MET: variants seen among roughly 807,000 people sequenced by gnomAD.
MET encodes the protein hepatocyte growth factor receptor.
A neutral mutation model predicts 133.1 loss-of-function variants in MET; 48 were observed. The ratio of observed to expected loss-of-function variants is 0.36; its 90% CI spans 0.29 to 0.46. The LOEUF is 0.46. Among genes scored for constraint, MET ranks in the 20% least tolerant of loss-of-function variants. MET has a pLI of 1.00. For missense variants in MET, 1,442 were observed against 1,695.9 expected (o/e 0.85, Z 2.63); for synonymous variants, 628 against 616.5 (o/e 1.02, Z -0.28).
At position 116,731,877 on chromosome 7, in the gene MET, G is replaced by C. The variant is rs2116784901; in HGVS notation, c.1392+18G>C. On this transcript the variant is annotated intron_variant, in intron 3 of 20. Coordinates refer to ENST00000397752, the MANE Select transcript of MET (RefSeq NM_000245.4). ...TCATGCAGGTAAGTGCTTTCTGAGA[G>C]TAGCTGTGTCTGTTCTATCTGGTAT... The C allele has an allele frequency of 4.3e-6, 7 of 1,612,358 alleles. No homozygotes were observed. Among genetic ancestry groups the C allele is most frequent in the Non-Finnish European group, 5.9e-6 (7 of 1,178,448 alleles).
At chr7:116,681,415 A>G (rs1161148949) in intron 1 of MET, among the ~76,000 whole-genome samples, 1 of 152,184 alleles carries the variant, frequency 6.6e-6, no homozygotes, top group Non-Finnish European at 1.5e-5. Flanking sequence ...ACCAAAAGTT[A>G]TGGCCCTAAA....
chr7:116,768,350 G>T (rs1584951915), intron 11 of MET, among the ~76,000 whole-genome samples: 1 of 151,944 alleles, frequency 6.6e-6, no homozygotes, highest in East Asian at 1.9e-4. Context: ...CCAATATGTG[G>T]ATAAGGGTTT....
intron 14 of MET, 99 bp downstream of exon 14, chr7:116,772,088 A>C (rs1227079159): frequency 5.1e-6 from 7 of 1,370,630 alleles, no homozygotes; most frequent in Non-Finnish European, 6.1e-6. Context: ...TATTTTTATA[A>C]AAACCTAAAG....
intron 2 of MET, among the ~76,000 whole-genome samples, chr7:116,704,289 C>G (rs1391790850): frequency 6.6e-6 from 1 of 152,050 alleles, no homozygotes; most frequent in African/African-American, 2.4e-5. Flanking sequence ...TGGAAAGAGA[C>G]TAAAATCAGA....
intron 11 of MET, among the ~76,000 whole-genome samples, chr7:116,764,443 G>T (rs536487199): frequency 6.6e-6 from 1 of 151,794 alleles, no homozygotes; most frequent in Non-Finnish European, 1.5e-5. Context: ...CAATTACTGT[G>T]TTTGCCATTT....
At chr7:116,694,875 C>G (rs975687250) in intron 1 of MET, among the ~76,000 whole-genome samples, 2 of 151,912 alleles carry the variant, frequency 1.3e-5, no homozygotes, top group African/African-American at 4.8e-5. Flanking sequence ...TTAGTAGAGA[C>G]GGGGTTTCAC....
rs2117112931 is a variant in MET, at chr7:116,796,050, T to C, written c.4099T>C (p.Ser1367Pro). ...CGTAAAATGTGTCGCTCCGTATCCT[T>C]CTCTGTTGTCATCAGAAGATAACGC... is the stretch of plus-strand genomic sequence containing the variant. ...VNVKCVAPYP[S>P]LLSSEDNADD... Residue 1367 changes from serine (S) to proline (P), a missense_variant, in exon 21 of 21, where the codon TCT becomes CCT. By Grantham distance (74) the Ser-to-Pro change is moderately conservative. Transcript: ENST00000397752. 2 of 1,614,012 alleles carry C rather than the reference T, an allele frequency of 1.2e-6. No homozygotes were observed. Among genetic ancestry groups the C allele is most frequent in the Non-Finnish European group, 1.7e-6 (2 of 1,179,912 alleles).
intron 5 of MET, among the ~76,000 whole-genome samples, chr7:116,745,621 T>C (rs1459974065): frequency 6.6e-6 from 1 of 152,016 alleles, no homozygotes; most frequent in East Asian, 1.9e-4. Context: ...TCAGAAATAA[T>C]ACCACACATC....
chr7:116,763,480 G>C (rs1173396753), intron 11 of MET, among the ~76,000 whole-genome samples: 3 of 152,140 alleles, frequency 2.0e-5, no homozygotes, highest in Admixed American at 6.6e-5. Flanking sequence ...ACCCTTTCTT[G>C]TGTATGTATT....
chr7:116,739,703 G>T (rs1287086268), intron 3 of MET, among the ~76,000 whole-genome samples: 1 of 152,166 alleles, frequency 6.6e-6, no homozygotes, highest in Admixed American at 6.5e-5. Context: ...TTGATTGAAA[G>T]ATCTCTTTCC....
chr7:116,745,301 T>C lies in MET; in HGVS notation c.1701+4276T>C, dbSNP rs200260902. Among the ~76,000 whole-genome samples the C allele has an allele frequency of 3.9e-5, 6 of 152,174 alleles. No homozygotes were observed. In the East Asian group the frequency reaches 7.7e-4, roughly 20 times the overall value. ...AAGAGGATACAAACAAATGGAAGAA[T>C]ATTCCATGCTCATGGATAGGAAGAA... On this transcript the variant is annotated intron_variant, in intron 5 of 20. Coordinates refer to ENST00000397752, the MANE Select transcript of MET (RefSeq NM_000245.4).
intron 7 of MET, 29 bp downstream of exon 7, chr7:116,757,568 G>C (rs2116921897): frequency 6.2e-7 from 1 of 1,612,694 alleles, no homozygotes; most frequent in Non-Finnish European, 8.5e-7. Flanking sequence ...TATCATGTTT[G>C]ATTTTTACTT....
intron 14 of MET, among the ~76,000 whole-genome samples, chr7:116,773,636 G>C (rs1036077780): frequency 1.3e-5 from 2 of 152,132 alleles, no homozygotes; most frequent in East Asian, 1.9e-4. Flanking sequence ...ACCCAGCTAG[G>C]CTCCTTCCTT....
chr7:116,732,387 A>T (rs1430034857), intron 3 of MET, among the ~76,000 whole-genome samples: 1 of 152,242 alleles, frequency 6.6e-6, no homozygotes, highest in Non-Finnish European at 1.5e-5. Context: ...GATACAAAAA[A>T]AATCCAGATT....
intron 1 of MET, among the ~76,000 whole-genome samples, chr7:116,697,184 A>C (rs1796993299): frequency 6.6e-6 from 1 of 152,062 alleles, no homozygotes; most frequent in African/African-American, 2.4e-5. Flanking sequence ...TTTCCAGATA[A>C]CTGCTAATCA....
At position 116,758,554 on chromosome 7, in the gene MET, C is replaced by T. The variant is rs201271860; in HGVS notation, c.2198C>T (p.Thr733Ile). 6.0e-5 allele frequency: 97 copies of T among 1,613,778 alleles called. No individual in the cohort carries two copies. In the African/African-American group the frequency reaches 8.0e-4, roughly 13 times the overall value. The change falls in exon 9 of 21, where the codon ACA (threonine) becomes ATA (isoleucine). Residue 733 changes from threonine (T) to isoleucine (I), a missense_variant. Transcript: ENST00000397752. The part of the protein sequence containing the change: ...KLKIDLANRE[T>I]SIFSYREDPI... ...AAAATTGACTTAGCCAACCGAGAGA[C>T]AAGCATCTTCAGTTACCGTGAAGAT... is the stretch of plus-strand genomic sequence containing the variant.
intron 5 of MET, among the ~76,000 whole-genome samples, chr7:116,747,688 CA>C (rs1793744935): frequency 6.6e-6 from 1 of 152,162 alleles, no homozygotes; most frequent in African/African-American, 2.4e-5. Flanking sequence ...GAGACTTTAA[CA>C]CCCCACTATC....
At chr7:116,767,285 C>G (rs895729345) in intron 11 of MET, among the ~76,000 whole-genome samples, 1 of 152,148 alleles carries the variant, frequency 6.6e-6, no homozygotes. Flanking sequence ...ACATGTCACA[C>G]CTGGCCAGGG....
chr7:116,675,850 C>T (rs1796141810), intron 1 of MET, among the ~76,000 whole-genome samples: 1 of 151,030 alleles, frequency 6.6e-6, no homozygotes, highest in Non-Finnish European at 1.5e-5. Flanking sequence ...GGGCATTCTG[C>T]TCCTGTTATC....
Sources: gnomAD v4.1 joint callset for allele counts (sites outside exome capture counted in the v4.1 genomes callset) on GRCh38, gnomAD v4.1.1 for gene constraint, MANE v1.5 for transcripts, NCBI Gene and HGNC (gene_info 2026-07-23, HGNC 2026-07-21) for gene names.